SGK1: variants seen among roughly 807,000 people sequenced by gnomAD.
The protein encoded by SGK1 is serine/threonine-protein kinase Sgk1.
A neutral mutation model predicts 64.2 loss-of-function variants in SGK1; 26 were observed. The ratio of observed to expected loss-of-function variants is 0.40; its 90% CI spans 0.30 to 0.56. The LOEUF is 0.56. SGK1 is among the 20% of genes least tolerant of loss of function. SGK1 has a pLI of 0.38. For missense variants in SGK1, 519 were observed against 645.6 expected (o/e 0.80, Z 2.12); for synonymous variants, 265 against 239.7 (o/e 1.11, Z -0.98).
At chr6:134,308,045 C>A (rs974180445) in intron 1 of SGK1, among the ~76,000 whole-genome samples, 1 of 152,172 alleles carries the variant, frequency 6.6e-6, no homozygotes, top group African/African-American at 2.4e-5. Flanking sequence ...GAAGAGGATT[C>A]TTTTTTAATG....
intron 1 of SGK1, among the ~76,000 whole-genome samples, chr6:134,302,483 G>A (rs1410701323): frequency 6.6e-6 from 1 of 152,172 alleles, no homozygotes; most frequent in Non-Finnish European, 1.5e-5. Context: ...GGTCTTTTGA[G>A]AAATGACCTT....
intron 2 of SGK1, among the ~76,000 whole-genome samples, chr6:134,254,120 T>C (rs1165635594): frequency 6.7e-6 from 1 of 148,748 alleles, no homozygotes; most frequent in East Asian, 2.0e-4. Flanking sequence ...TCTCCTTTTT[T>C]TTTTTTTCAA....
intron 2 of SGK1, among the ~76,000 whole-genome samples, chr6:134,242,212 G>A (rs570670015): frequency 1.1e-4 from 17 of 152,104 alleles, no homozygotes; most frequent in African/African-American, 2.9e-4. Context: ...AAGGCTGGGC[G>A]CGGTGGCTCA....
intron 1 of SGK1, among the ~76,000 whole-genome samples, chr6:134,313,496 T>G (rs1777636338): frequency 6.6e-6 from 1 of 151,728 alleles, no homozygotes. Context: ...TGTTGAAAAA[T>G]GAATGAATGA....
chr6:134,264,305 G>C (rs1340526310), intron 1 of SGK1, among the ~76,000 whole-genome samples: 1 of 151,912 alleles, frequency 6.6e-6, no homozygotes, highest in Non-Finnish European at 1.5e-5. Context: ...ATTTTTAGTA[G>C]AGACCGGGTT....
chr6:134,175,757 TC>T (rs887186259), intron 3 of SGK1: 53 of 1,341,130 alleles, frequency 4.0e-5, no homozygotes, highest in Non-Finnish European at 4.9e-5. Context: ...GGGCAAGATT[TC>T]CTGCCCCGAG....
chr6:134,183,899 G>A (rs1222033498), intron 3 of SGK1, among the ~76,000 whole-genome samples: 1 of 127,304 alleles, frequency 7.9e-6, no homozygotes, highest in Non-Finnish European at 1.5e-5. Flanking sequence ...TCAGGAATTT[G>A]TGTGCTTAGT....
At chr6:134,300,559 GA>G (rs1777436575) in intron 1 of SGK1, among the ~76,000 whole-genome samples, 1 of 142,772 alleles carries the variant, frequency 7.0e-6, no homozygotes, top group Non-Finnish European at 1.5e-5. Context: ...AAAAAAGAAA[GA>G]AAGATGGTGG....
Position 134,261,919 on chromosome 6 carries a change from G to A in SGK1, c.285+14C>T, listed in dbSNP as rs1305291967. ...TTTTCCAGGAGAATAGATCCAGAGC[G>A]AACATGAACTTACTTCACACCCAGA... On this transcript the variant is annotated intron_variant, in intron 2 of 13. Transcript: ENST00000367858. 20 of 1,581,698 alleles carry A rather than the reference G, an allele frequency of 1.3e-5. 1 individual carries two copies. The Admixed American group carries it at 2.0e-4, about 16-fold the overall frequency.
At position 134,208,907 on chromosome 6, in the gene SGK1, T is replaced by TAC. The variant is rs1554220973; in HGVS notation, c.286-1478_286-1477dup. On this transcript the variant is annotated intron_variant, in intron 2 of 13. Coordinates refer to ENST00000367858, the MANE Select transcript of SGK1 (RefSeq NM_001143676.3). ...ACATGTATGTGTGTGTATATATATA[T>TAC]ACACACACACGTGTTTTTTTCGTAT... is the stretch of plus-strand genomic sequence containing the variant. Among the ~76,000 whole-genome samples, 245 of 150,662 alleles carry TAC rather than the reference T, an allele frequency of 1.6e-3. 1 individual carries two copies. The highest frequency in any genetic ancestry group is 5.4e-3 in the African/African-American group (223 of 40,982).
intron 3 of SGK1, among the ~76,000 whole-genome samples, chr6:134,178,696 T>A (rs1192948340): frequency 1.3e-5 from 2 of 152,216 alleles, no homozygotes; most frequent in Non-Finnish European, 2.9e-5. Context: ...TATACGCGTA[T>A]ACGCGGCTTC....
intron 1 of SGK1, among the ~76,000 whole-genome samples, chr6:134,265,575 A>G (rs1043624136): frequency 6.8e-6 from 1 of 146,146 alleles, no homozygotes; most frequent in African/African-American, 2.5e-5. Flanking sequence ...ATATATATTT[A>G]TACATATACA....
chr6:134,297,988 G>A, intron 1 of SGK1: 1 of 821,146 alleles, frequency 1.2e-6, no homozygotes, highest in South Asian at 1.3e-5. Flanking sequence ...TCCATGGACA[G>A]CATCACAGAC....
At chr6:134,174,115 C>T (rs1775129481) in intron 4 of SGK1, 35 bp from the exon 5 acceptor site, 6 of 1,525,780 alleles carry the variant, frequency 3.9e-6, no homozygotes, top group Non-Finnish European at 5.4e-6. Flanking sequence ...TAGAATCCAG[C>T]TCGCCACTAG....
rs1349131522 is a variant in SGK1, at chr6:134,225,028, A to T, written c.286-17597T>A. On this transcript the variant is annotated intron_variant, in intron 2 of 13. Coordinates refer to ENST00000367858, the MANE Select transcript of SGK1 (RefSeq NM_001143676.3). ...CATCTCAAAAAAAAAAAAAAAGAAA[A>T]AAGAAAGAAATCTTATAATATTTAC... is the stretch of plus-strand genomic sequence containing the variant. Among the ~76,000 whole-genome samples, 3 of 149,700 alleles carry T rather than the reference A, an allele frequency of 2.0e-5. No homozygotes were observed. The East Asian group carries it at 5.9e-4, about 29-fold the overall frequency.
At position 134,243,767 on chromosome 6, in the gene SGK1, G is replaced by C. The variant is rs1005554831; in HGVS notation, c.285+18166C>G. Among the ~76,000 whole-genome samples, 3 of 152,240 alleles carry C rather than the reference G, an allele frequency of 2.0e-5. No individual in the cohort carries two copies. The South Asian group carries it at 6.2e-4, about 32-fold the overall frequency. ...TAACTCTGCACTAATGAATTATACT[G>C]CCTGACTTATTCCCAGGAAGCTCTA... On this transcript the variant is annotated intron_variant, in intron 2 of 13. Transcript: ENST00000367858.
At chr6:134,212,905 C>G (rs1775915225) in intron 2 of SGK1, among the ~76,000 whole-genome samples, 1 of 152,146 alleles carries the variant, frequency 6.6e-6, no homozygotes, top group Non-Finnish European at 1.5e-5. Flanking sequence ...AAGCAAATGC[C>G]ATTCTTACAG....
At chr6:134,173,728 T>C (rs752660094) in intron 5 of SGK1, 162 bp from the exon 6 acceptor site, 32 of 619,972 alleles carry the variant, frequency 5.2e-5, no homozygotes, top group Non-Finnish European at 7.5e-5. Flanking sequence ...CAAATGAGTA[T>C]GGAAACTGCA....
Position 134,258,566 on chromosome 6 carries a change from G to A in SGK1, c.285+3367C>T, listed in dbSNP as rs530347928. 2.0e-4 allele frequency among the ~76,000 whole-genome samples: 30 copies of A among 152,084 alleles called. 1 individual carries two copies. Among genetic ancestry groups the A allele is most frequent in the Non-Finnish European group, 8.8e-5 (6 of 68,014 alleles). Reference sequence around the variant, plus strand: ...CTAAAAACACAAAAATTCGCCAGGCGTGGTGGCGGGTGCCTGTAATCCCAG... The same window carrying A: ...CTAAAAACACAAAAATTCGCCAGGCATGGTGGCGGGTGCCTGTAATCCCAG... On this transcript the variant is annotated intron_variant, in intron 2 of 13. Transcript: ENST00000367858.
Sources: allele counts gnomAD v4.1 joint callset (sites outside exome capture counted in the v4.1 genomes callset), GRCh38; gene constraint gnomAD v4.1.1; transcripts MANE v1.5; gene names NCBI Gene and HGNC (gene_info 2026-07-23, HGNC 2026-07-21).